The following AHDC1 variants were observed in gnomAD, a reference collection of about 807,000 sequenced individuals.
AHDC1 encodes transcription factor Gibbin.
AHDC1 carries 7 observed loss-of-function variants against 87.9 expected under a neutral mutation model. That is an observed-to-expected ratio of 0.08 (90% CI 0.05 to 0.15). AHDC1 has a LOEUF of 0.15. Among genes scored for constraint, AHDC1 ranks in the 10% least tolerant of loss-of-function variants. The pLI is 1.00. For synonymous variants in AHDC1, 1,051 were observed against 1,006.8 expected (o/e 1.04, Z -0.83); for missense variants, 1,841 against 2,253.2 (o/e 0.82, Z 3.70).
At chr1:27,559,287 C>A (rs2019962678) in intron 3 of AHDC1, among the ~76,000 whole-genome samples, 1 of 152,100 alleles carries the variant, frequency 6.6e-6, no homozygotes, top group Non-Finnish European at 1.5e-5. Context: ...AACTCCTGGG[C>A]TCAAGCAATC....
intron 3 of AHDC1, among the ~76,000 whole-genome samples, chr1:27,602,264 C>T (rs2089550125): frequency 6.6e-6 from 1 of 152,236 alleles, no homozygotes; most frequent in Admixed American, 6.5e-5. Flanking sequence ...ATTCCCGCCC[C>T]CGCTTCTCTC....
In AHDC1 at chr1:27,550,631, C is replaced by T. The variant is rs780935765; in HGVS notation, c.1485G>A (p.Val495=). ...LGRRNKTTYK[V]SSLSSSLSVE... ...CGCTCAGGCTGCTGCTCAAGGAAGACACTTTGTATGTGGTCTTGTTCCGCC... is the reference window on the plus strand; with the variant it reads ...CGCTCAGGCTGCTGCTCAAGGAAGATACTTTGTATGTGGTCTTGTTCCGCC... Residue 495 remains valine, a synonymous_variant, in exon 8 of 9, where the codon GTG becomes GTA. Coordinates refer to ENST00000673934, the MANE Select transcript of AHDC1 (RefSeq NM_001371928.1). The T allele has an allele frequency of 3.7e-6, 6 of 1,613,734 alleles. No individual in the cohort carries two copies. Among genetic ancestry groups the T allele is most frequent in the Non-Finnish European group, 5.1e-6 (6 of 1,180,042 alleles).
intron 8 of AHDC1, among the ~76,000 whole-genome samples, chr1:27,545,854 G>C (rs1172336381): frequency 6.6e-6 from 1 of 152,200 alleles, no homozygotes; most frequent in Non-Finnish European, 1.5e-5. Flanking sequence ...GAGGCCCAGA[G>C]AGGGGCAAAA....
intron 3 of AHDC1, among the ~76,000 whole-genome samples, chr1:27,592,605 T>TGAGGCTGAGAA (rs2089257820): frequency 7.2e-6 from 1 of 138,508 alleles, no homozygotes; most frequent in Non-Finnish European, 1.6e-5. Flanking sequence ...TTAGCTGAGC[T>TGAGGCTGAGAA]GAGGCTGAGA....
intron 3 of AHDC1, among the ~76,000 whole-genome samples, chr1:27,576,425 A>G (rs1483089780): frequency 1.3e-5 from 2 of 152,210 alleles, no homozygotes; most frequent in Non-Finnish European, 2.9e-5. Context: ...CGACTACCCA[A>G]TGGTCACTGC....
At chr1:27,555,522 T>A (rs1430276747) in intron 5 of AHDC1, among the ~76,000 whole-genome samples, 1 of 152,184 alleles carries the variant, frequency 6.6e-6, no homozygotes, top group African/African-American at 2.4e-5. Flanking sequence ...GCTGTGGACC[T>A]GGCCCCTCCC....
intron 8 of AHDC1, among the ~76,000 whole-genome samples, chr1:27,546,152 C>T (rs1372380442): frequency 2.0e-5 from 3 of 152,168 alleles, no homozygotes; most frequent in African/African-American, 7.2e-5. Context: ...GGGTGAGGGA[C>T]GCAGGCATGC....
At chr1:27,583,056 T>C (rs2088951741) in intron 3 of AHDC1, among the ~76,000 whole-genome samples, 1 of 152,114 alleles carries the variant, frequency 6.6e-6, no homozygotes. Context: ...TGCCACCACA[T>C]GGGGTTTCAC....
intron 3 of AHDC1, among the ~76,000 whole-genome samples, chr1:27,588,206 GC>G (rs1426723804): frequency 6.6e-6 from 1 of 152,140 alleles, no homozygotes; most frequent in Non-Finnish European, 1.5e-5. Flanking sequence ...TATTCCCACT[GC>G]CTGGAACACC....
At chr1:27,575,516 C>G (rs1034459216) in intron 3 of AHDC1, among the ~76,000 whole-genome samples, 1 of 152,020 alleles carries the variant, frequency 6.6e-6, no homozygotes, top group Non-Finnish European at 1.5e-5. Flanking sequence ...GCGCCAGGCG[C>G]CCCTGCCCGA....
intron 8 of AHDC1, among the ~76,000 whole-genome samples, chr1:27,543,858 G>T (rs1044527518): frequency 6.6e-6 from 1 of 151,956 alleles, no homozygotes; most frequent in South Asian, 2.1e-4. Flanking sequence ...CAGGAGAATC[G>T]CTTGAACCCA....
At chr1:27,556,909 G>A (rs553395717) in intron 5 of AHDC1, among the ~76,000 whole-genome samples, 5 of 151,274 alleles carry the variant, frequency 3.3e-5, no homozygotes, top group South Asian at 2.1e-4. Flanking sequence ...ACTCTCCCTC[G>A]CCACTAGGTG....
In AHDC1 at chr1:27,546,405, A is replaced by C. The variant is rs1320152663; in HGVS notation, c.*43+856T>G. On this transcript the variant is annotated intron_variant, in intron 8 of 8. Transcript: ENST00000673934. ...CCAACTAATGAGGTCACAGTACCTG[A>C]TAAAAACAGTATCAAAACATTTAAC... Among the ~76,000 whole-genome samples the C allele has an allele frequency of 1.2e-4, 18 of 152,358 alleles. 1 individual carries two copies. The East Asian group carries it at 3.3e-3, about 28-fold the overall frequency.
intron 3 of AHDC1, among the ~76,000 whole-genome samples, chr1:27,601,855 C>T (rs563459748): frequency 1.8e-4 from 27 of 152,336 alleles, no homozygotes; most frequent in Non-Finnish European, 2.8e-4. Context: ...CACATGCCCC[C>T]GCCCAGCCGG....
At position 27,558,717 on chromosome 1, in the gene AHDC1, G is replaced by T. The variant is rs1050330549; in HGVS notation, c.-462C>A. ...CTGCACACTGTTACCTGAGCAGGCT[G>T]CGAAGATAGGCTGGGCTCAGCAGGA... On this transcript the variant is annotated 5_prime_UTR_variant, in exon 4 of 9. Coordinates refer to ENST00000673934, the MANE Select transcript of AHDC1 (RefSeq NM_001371928.1). This position sits in a 1 kb window ranked among gnomAD's most constrained non-coding sequence, Gnocchi z 5.6. The T allele has an allele frequency of 2.5e-6, 1 of 398,664 alleles. No homozygotes were observed. The highest frequency in any genetic ancestry group is 1.3e-4 in the South Asian group (1 of 7,856). 24.7% of individuals were successfully genotyped at this position (398,664 alleles called of 1,614,324 possible). A position where few individuals can be genotyped will look rare whatever the true frequency, so the allele number is the denominator to read the frequency against.
chr1:27,545,449 T>G (rs1190926151), intron 8 of AHDC1, among the ~76,000 whole-genome samples: 1 of 152,040 alleles, frequency 6.6e-6, no homozygotes, highest in Non-Finnish European at 1.5e-5. Flanking sequence ...CACTGGGTGG[T>G]TCCATTATGT....
chr1:27,547,163 T>C lies in AHDC1; in HGVS notation c.*43+98A>G. The C allele has an allele frequency of 2.4e-6, 2 of 846,728 alleles. No homozygotes were observed. The highest frequency in any genetic ancestry group is 2.6e-5 in the East Asian group (1 of 38,324). 52.5% of individuals were successfully genotyped at this position (846,728 alleles called of 1,614,324 possible). On this transcript the variant is annotated intron_variant, in intron 8 of 8. Coordinates refer to ENST00000673934, the MANE Select transcript of AHDC1 (RefSeq NM_001371928.1). The surrounding 1 kb of genome is among the most constrained non-coding windows in gnomAD (Gnocchi z 4.9). ...CCAGCCTTGCCCTTAAATCCTGCAT[T>C]TGCTTCCTGCACTCCATACCTCTGT...
At chr1:27,585,030 G>A (rs559783223) in intron 3 of AHDC1, among the ~76,000 whole-genome samples, 11 of 151,942 alleles carry the variant, frequency 7.2e-5, no homozygotes, top group Non-Finnish European at 1.6e-4. Context: ...AAAATTAGCC[G>A]GGTGTGGTGG....
In AHDC1 at chr1:27,549,678, C is replaced by G. The variant is rs138299564; in HGVS notation, c.2438G>C (p.Arg813Pro). 6.2e-7 allele frequency: 1 copy of G among 1,613,098 alleles called. No homozygotes were observed. The highest frequency in any genetic ancestry group is 8.5e-7 in the Non-Finnish European group (1 of 1,180,010). Residue 813 changes from arginine (R) to proline (P), a missense_variant, in exon 8 of 9, where the codon CGT (arginine) becomes CCT (proline). By Grantham distance (103) the Arg-to-Pro change is moderately radical (BLOSUM62 -2). Transcript: ENST00000673934. ...STGLESGASGRGSYYSTGAPS... is the reference protein window; with the variant it reads ...STGLESGASGPGSYYSTGAPS... ...TGCACCCGTGCTGTAGTAGCTGCCACGGCCTGAGGCTCCACTCTCCAGCCC... is the reference window on the plus strand; with the variant it reads ...TGCACCCGTGCTGTAGTAGCTGCCAGGGCCTGAGGCTCCACTCTCCAGCCC...
Sources: gnomAD v4.1 joint callset for allele counts (sites outside exome capture counted in the v4.1 genomes callset) on GRCh38, gnomAD v4.1.1 for gene constraint, Gnocchi (gnomAD v3.1) non-coding constraint, MANE v1.5 for transcripts, NCBI Gene and HGNC (gene_info 2026-07-23, HGNC 2026-07-21) for gene names.